CADPS: variants seen among roughly 807,000 people sequenced by gnomAD.
CADPS encodes the protein calcium-dependent secretion activator 1.
Under a neutral mutation model 167.3 loss-of-function variants are expected in CADPS, and 57 were observed. The observed-to-expected ratio is 0.34, with a 90% CI of 0.28 to 0.42. CADPS has a LOEUF of 0.42. Ranked by LOEUF, CADPS falls within the 20% of genes least tolerant of loss-of-function variation. The pLI is 1.00. For missense variants in CADPS, 1,414 were observed against 1,738.1 expected, an observed-to-expected ratio of 0.81 and a Z score of 3.32; for synonymous variants, 676 against 635.3, an observed-to-expected ratio of 1.06 and a Z score of -0.96.
intron 17 of CADPS, among the ~76,000 whole-genome samples, chr3:62,505,447 C>A (rs1306873902): frequency 6.6e-6 from 1 of 152,154 alleles, no homozygotes; most frequent in East Asian, 1.9e-4. Flanking sequence ...TCACACCGTA[C>A]TAGATCACGT....
chr3:62,796,030 T>G (rs1345536703), intron 1 of CADPS: 1 of 152,268 alleles, frequency 6.6e-6, no homozygotes, highest in Non-Finnish European at 1.5e-5. Flanking sequence ...TTGAATCATG[T>G]GCTAAAAAGC....
intron 13 of CADPS, among the ~76,000 whole-genome samples, chr3:62,531,292 C>A (rs2073625185): frequency 6.6e-6 from 1 of 151,982 alleles, no homozygotes; most frequent in Non-Finnish European, 1.5e-5. Flanking sequence ...TCAAAGTGTA[C>A]ATATTTATAA....
chr3:62,536,625 A>G (rs763250803), intron 11 of CADPS, 44 bp from the exon 12 acceptor site: 1 of 1,590,482 alleles, frequency 6.3e-7, no homozygotes, highest in Non-Finnish European at 8.6e-7. Flanking sequence ...TTAGAGAAAC[A>G]CATCACATTT....
At position 62,842,529 on chromosome 3, in the gene CADPS, C is replaced by T. The variant is rs73844643; in HGVS notation, c.441+32060G>A. Among the ~76,000 whole-genome samples the T allele has an allele frequency of 7.8e-3, 1,187 of 152,290 alleles. 14 individuals carry two copies. The highest frequency in any genetic ancestry group is 0.027 in the African/African-American group (1,129 of 41,562). ...ATTGCCTCAATTATCCATTTAATCA[C>T]CATATTAACAATAACGATAATCAAA... On this transcript the variant is annotated intron_variant, in intron 1 of 29. Transcript: ENST00000383710.
chr3:62,789,764 T>G (rs1429940644), intron 1 of CADPS, among the ~76,000 whole-genome samples: 1 of 152,198 alleles, frequency 6.6e-6, no homozygotes, highest in East Asian at 1.9e-4. Context: ...AATATTGCAG[T>G]GCAGTGAGAA....
intron 6 of CADPS, among the ~76,000 whole-genome samples, chr3:62,599,335 T>C (rs1363552985): frequency 6.6e-6 from 1 of 150,846 alleles, no homozygotes; most frequent in Non-Finnish European, 1.5e-5. Flanking sequence ...AATTATTGAG[T>C]ACTTATGATT....
intron 7 of CADPS, among the ~76,000 whole-genome samples, chr3:62,588,297 C>CTT (rs34533495): frequency 0.59 from 82,534 of 139,628 alleles, 27,648 homozygotes; most frequent in Non-Finnish European, 0.74. Context: ...CCAGGTCTTT[C>CTT]TTTTTTTTTT....
intron 3 of CADPS, among the ~76,000 whole-genome samples, chr3:62,742,362 C>T (rs1278907407): frequency 1.3e-5 from 2 of 152,132 alleles, no homozygotes; most frequent in Admixed American, 1.3e-4. Flanking sequence ...CATCATTCTA[C>T]CTGACTTCAA....
intron 3 of CADPS, among the ~76,000 whole-genome samples, chr3:62,710,032 G>A (rs927531380): frequency 6.6e-6 from 1 of 152,086 alleles, no homozygotes; most frequent in Non-Finnish European, 1.5e-5. Flanking sequence ...CTCCCAAATT[G>A]CTGGGATTAC....
intron 3 of CADPS, among the ~76,000 whole-genome samples, chr3:62,672,486 C>T (rs1274823742): frequency 1.1e-4 from 16 of 152,290 alleles, no homozygotes; most frequent in East Asian, 1.9e-4. Flanking sequence ...CCATCTGGCT[C>T]CTGCACAGCT....
chr3:62,764,804 C>T, intron 2 of CADPS, among the ~76,000 whole-genome samples: 1 of 152,132 alleles, frequency 6.6e-6, no homozygotes, highest in Non-Finnish European at 1.5e-5. Flanking sequence ...AAATAATTTT[C>T]TATCTAATAA....
At chr3:62,663,997 CCAACT>C (rs1387225777) in intron 3 of CADPS, among the ~76,000 whole-genome samples, 3 of 152,122 alleles carry the variant, frequency 2.0e-5, no homozygotes, top group African/African-American at 7.2e-5. Context: ...TAGATTTTGA[CCAACT>C]CAACTATTTA....
intron 2 of CADPS, among the ~76,000 whole-genome samples, chr3:62,761,481 G>A (rs2085410900): frequency 6.6e-6 from 1 of 152,058 alleles, no homozygotes. Flanking sequence ...TCAGACATCA[G>A]ATGCAGTGTT....
intron 3 of CADPS, among the ~76,000 whole-genome samples, chr3:62,689,262 T>C (rs936814002): frequency 6.6e-6 from 1 of 152,088 alleles, no homozygotes; most frequent in African/African-American, 2.4e-5. Context: ...ATTCCATTTA[T>C]TTTCCTGTTA....
intron 3 of CADPS, among the ~76,000 whole-genome samples, chr3:62,702,566 G>A (rs564197848): frequency 3.4e-4 from 51 of 152,214 alleles, no homozygotes; most frequent in African/African-American, 1.2e-3. Context: ...TTAAGGACTC[G>A]ATAGTACCGG....
chr3:62,650,999 T>A lies in CADPS; in HGVS notation c.1051A>T (p.Met351Leu). ...EELKSSVNLLMANLESMPVSK... is the reference protein window; with the variant it reads ...EELKSSVNLLLANLESMPVSK... ...ACCGGCATGCTCTCCAAGTTGGCCA[T>A]GAGCAGGTTGACAGATGACTTCAGC... Residue 351 changes from methionine to leucine, a missense_variant, in exon 5 of 30, where the codon ATG becomes TTG. By Grantham distance (15) the Met-to-Leu change is conservative. Coordinates refer to ENST00000383710, the MANE Select transcript of CADPS (RefSeq NM_003716.4). The A allele has an allele frequency of 6.2e-7, 1 of 1,614,156 alleles. No individual in the cohort carries two copies.
chr3:62,787,411 A>T (rs977340103), intron 1 of CADPS, among the ~76,000 whole-genome samples: 1 of 152,242 alleles, frequency 6.6e-6, no homozygotes, highest in South Asian at 2.1e-4. Context: ...ATTTTTGATT[A>T]AAATATTATT....
At chr3:62,783,606 T>G (rs1175168200) in intron 1 of CADPS, among the ~76,000 whole-genome samples, 1 of 152,176 alleles carries the variant, frequency 6.6e-6, no homozygotes, top group East Asian at 1.9e-4. Flanking sequence ...TCTTAACCTG[T>G]TAGACACAAT....
chr3:62,507,452 A>G (rs942059535), intron 17 of CADPS, among the ~76,000 whole-genome samples: 79 of 151,220 alleles, frequency 5.2e-4, no homozygotes, highest in African/African-American at 1.9e-3. Flanking sequence ...AGGGAGCATG[A>G]CTGCTTTTGC....
Sources: gnomAD v4.1 joint callset for allele counts (sites outside exome capture counted in the v4.1 genomes callset) on GRCh38, gnomAD v4.1.1 for gene constraint, MANE v1.5 for transcripts, NCBI Gene and HGNC (gene_info 2026-07-23, HGNC 2026-07-21) for gene names.